Variants in NBPF10 observed in about 807,000 individuals in gnomAD.
NBPF10 encodes the protein NBPF family member NBPF10.
Under a neutral mutation model 77.9 loss-of-function variants are expected in NBPF10, and 63 were observed. That is an observed-to-expected ratio of 0.81 (90% CI 0.66 to 1.00). The LOEUF (loss-of-function observed/expected upper bound fraction) is 1.00, where lower values mean the gene tolerates loss of function less well. Ranked by LOEUF, NBPF10 falls within the 50% of genes least tolerant of loss-of-function variation. NBPF10 has a pLI of 0.00. For missense variants in NBPF10, 522 were observed against 679.8 expected, an observed-to-expected ratio of 0.77 and a Z score of 2.58; for synonymous variants, 146 against 264.5, an observed-to-expected ratio of 0.55 and a Z score of 4.35.
Position 146,126,424 on chromosome 1 carries a change from A to G in NBPF10, c.1854-16T>C. 1 of 1,088,980 alleles carries G rather than the reference A, an allele frequency of 9.2e-7. No individual in the cohort carries two copies. The highest frequency in any genetic ancestry group is 1.2e-5 in the South Asian group (1 of 80,068). 67.5% of individuals were successfully genotyped at this position (1,088,980 alleles called of 1,614,324 possible). ...CCTGCTGAGCGTGGAAAAGTAGGAA[A>G]AAGTAAAGAATAAGCCAGGGGGAAT... On this transcript the variant is annotated splice_polypyrimidine_tract_variant and intron_variant, in intron 13 of 89. Transcript: ENST00000583866.
exon 90 of NBPF10, chr1:146,066,464 C>G: frequency 1.3e-6 from 1 of 780,460 alleles, no homozygotes; most frequent in Non-Finnish European, 1.9e-6. Context: ...TGGAATGAGT[C>G]AGGTAGTTCA....
intron 88 of NBPF10, among the ~76,000 whole-genome samples, chr1:146,067,630 T>A (rs868928035): frequency 2.0e-5 from 3 of 150,342 alleles, no homozygotes; most frequent in African/African-American, 4.9e-5. Context: ...CCCTGTCTCA[T>A]CAAATACTCA....
rs1412856025 is a variant in NBPF10 at position 146,125,679 on chromosome 1, A to T, written c.2027-163T>A. ...GGCCTGAAGGCTGATCACCACAGAG[A>T]TTCCTTGGTTTTTGTCCCAGAAACT... On this transcript the variant is annotated intron_variant, in intron 14 of 89. Coordinates refer to ENST00000583866, the Ensembl canonical transcript of NBPF10. 1.5e-5 allele frequency among the ~76,000 whole-genome samples: 2 copies of T among 129,756 alleles called. 1 individual carries two copies. The highest frequency in any genetic ancestry group is 3.4e-5 in the Non-Finnish European group (2 of 59,244). 85.1% of individuals were successfully genotyped at this position (129,756 alleles called of 152,430 possible).
chr1:146,125,098 G>C (rs1173221586), intron 15 of NBPF10, among the ~76,000 whole-genome samples: 101 of 61,136 alleles, frequency 1.7e-3, no homozygotes, highest in Non-Finnish European at 2.3e-3. Flanking sequence ...AGTGAGCTCA[G>C]CGAGTTGGCC....
chr1:146,123,624 C>T (rs1658347522), intron 17 of NBPF10, among the ~76,000 whole-genome samples: 1 of 74,744 alleles, frequency 1.3e-5, no homozygotes, highest in Admixed American at 1.5e-4. Context: ...ACACAGCATA[C>T]AGGGATCATG....
At chr1:146,141,927 G>C (rs1660345813) in intron 2 of NBPF10, 109 bp from the exon 3 acceptor site, 2 of 931,268 alleles carry the variant, frequency 2.1e-6, no homozygotes, top group Non-Finnish European at 3.4e-6. Context: ...CCTCCAAGCA[G>C]AAGGTCAGCA....
chr1:146,126,162 C>G, intron 14 of NBPF10, 74 bp downstream of exon 14: 1 of 917,252 alleles, frequency 1.1e-6, no homozygotes, highest in Non-Finnish European at 1.8e-6. Context: ...TCAGTAACGG[C>G]CACTTGCAGT....
chr1:146,126,438 G>A (rs1356396123), intron 13 of NBPF10, 30 bp from the exon 14 acceptor site: 1 of 944,758 alleles, frequency 1.1e-6, no homozygotes, highest in Non-Finnish European at 1.7e-6. Context: ...TAAAGAATAA[G>A]CCAGGGGGAA....
Position 146,126,257 on chromosome 1 carries a change from C to T in NBPF10, c.2005G>A (p.Gly669Ser), listed in dbSNP as rs1229741450. 4.4e-6 allele frequency: 7 copies of T among 1,608,432 alleles called. 1 individual carries two copies. Among genetic ancestry groups the T allele is most frequent in the South Asian group, 3.3e-5 (3 of 90,864 alleles). Reference sequence around the variant, plus strand: ...TCACCATCCATGTCAATAGCCAAGCCAACACGCTGTTGCTCCAATATGTAA... The same window carrying T: ...TCACCATCCATGTCAATAGCCAAGCTAACACGCTGTTGCTCCAATATGTAA... The change falls in exon 14 of 90, where the codon GGC becomes AGC. Residue 669 changes from glycine (G) to serine (S), a missense_variant. By Grantham distance (56) the Gly-to-Ser change is moderately conservative. Coordinates refer to ENST00000583866, the Ensembl canonical transcript of NBPF10.
intron 29 of NBPF10, among the ~76,000 whole-genome samples, 196 bp from the exon 30 acceptor site, chr1:146,114,020 A>G (rs868969175): frequency 2.6e-4 from 5 of 19,544 alleles, no homozygotes; most frequent in Non-Finnish European, 2.3e-4. Flanking sequence ...AAAGACAGAT[A>G]GACACACACA....
chr1:146,141,686 G>C lies in NBPF10; in HGVS notation c.411C>G (p.Asp137Glu), dbSNP rs200499581. 1,132 of 1,237,232 alleles carry C rather than the reference G, an allele frequency of 9.1e-4. 292 individuals are homozygous for C. Among genetic ancestry groups the C allele is most frequent in the Admixed American group, 1.6e-3 (76 of 46,480 alleles). 76.6% of individuals were successfully genotyped at this position (1,237,232 alleles called of 1,614,324 possible). ...CTTGGAGGTCCTGCCCCTGGGACTT[G>C]TCCGGCTCATCCGGAGTGAGGAGGG... Residue 137 changes from aspartate (D) to glutamate (E), a missense_variant, in exon 3 of 90, where the codon GAC becomes GAG. Physicochemically the swap from Asp to Glu is conservative, Grantham distance 45 (BLOSUM62 2). Coordinates refer to ENST00000583866, the Ensembl canonical transcript of NBPF10.
chr1:146,139,310 C>T (rs1454523527), intron 5 of NBPF10, among the ~76,000 whole-genome samples: 4 of 151,874 alleles, frequency 2.6e-5, no homozygotes, highest in Admixed American at 6.6e-5. Context: ...GGGGTTTCAC[C>T]GTGTTAGCCA....
intron 13 of NBPF10, 132 bp from the exon 14 acceptor site, chr1:146,126,540 T>G (rs1658691539): frequency 1.4e-6 from 1 of 711,198 alleles, no homozygotes; most frequent in Admixed American, 2.0e-5. Context: ...AGGTAACAAA[T>G]TATTGCCTTT....
rs782663420 is a variant in NBPF10 at position 146,142,678 on chromosome 1, C to G, written c.250G>C (p.Glu84Gln). Residue 84 changes from glutamate to glutamine, a missense_variant, in exon 2 of 90, where the codon GAG becomes CAG. By Grantham distance (29) the Glu-to-Gln change is conservative. This residue lies in a region of NBPF10 where 71 missense variants were observed against 114.9 expected (regional missense o/e 0.62). Transcript: ENST00000583866. Reference sequence around the variant, plus strand: ...AGCTCCTCAGCTTGCTTCAGCTGCTCTGCAAGCTTCTCCTCCTTGAACTGT... The same window carrying G: ...AGCTCCTCAGCTTGCTTCAGCTGCTGTGCAAGCTTCTCCTCCTTGAACTGT... 3.0e-6 allele frequency: 4 copies of G among 1,355,060 alleles called. No homozygotes were observed. In the South Asian group the frequency reaches 5.3e-5, roughly 18 times the overall value. 83.9% of individuals were successfully genotyped at this position (1,355,060 alleles called of 1,614,324 possible).
intron 5 of NBPF10, among the ~76,000 whole-genome samples, chr1:146,139,339 G>A (rs1456704538): frequency 2.0e-5 from 3 of 151,104 alleles, no homozygotes; most frequent in Non-Finnish European, 4.4e-5. Context: ...TCAATCTCCT[G>A]ACCTCATGAT....
At chr1:146,125,626 A>T (rs587605726) in intron 14 of NBPF10, 110 bp from the exon 15 acceptor site, 32 of 524,248 alleles carry the variant, frequency 6.1e-5, no homozygotes, top group African/African-American at 5.8e-4. Context: ...GCATGAGAAT[A>T]GGACACTGTG....
At chr1:146,134,106 C>A in intron 9 of NBPF10, 87 bp downstream of exon 9, 1 of 1,236,756 alleles carries the variant, frequency 8.1e-7, no homozygotes. Context: ...GGGTTTTTGG[C>A]CCATCATAGA....
At chr1:146,067,075 T>A in intron 89 of NBPF10, 105 bp downstream of exon 89, 1 of 585,992 alleles carries the variant, frequency 1.7e-6, no homozygotes. Context: ...TAGGAGTAAT[T>A]CAGCCTTCGT....
rs1327094783 is a variant in NBPF10 at position 146,069,482 on chromosome 1, G to T, written c.10810+61C>A. 667 of 691,776 alleles carry T rather than the reference G, an allele frequency of 9.6e-4. 107 individuals are homozygous for T. In the East Asian group the frequency reaches 0.018, roughly 19 times the overall value. The allele number at this position is 691,776 out of a possible 1,614,324, so 42.9% of individuals were successfully genotyped here. ...GCTCAGTAAGGGCCACTTGCAGTAG[G>T]AATATGACCCTAACCAGAAGACTCA... On this transcript the variant is annotated intron_variant, in intron 86 of 89. Coordinates refer to ENST00000583866, the Ensembl canonical transcript of NBPF10.
Sources: allele counts gnomAD v4.1 joint callset (sites outside exome capture counted in the v4.1 genomes callset), GRCh38; gene constraint gnomAD v4.1.1; regional missense constraint gnomAD v4.1.1; transcripts MANE v1.5; gene names NCBI Gene and HGNC (gene_info 2026-07-23, HGNC 2026-07-21).